The following CDH9 variants were observed in gnomAD, a reference collection of about 807,000 sequenced individuals.
CDH9 encodes cadherin 9.
In CDH9, 28 loss-of-function variants were observed where a neutral mutation model predicts 70.9. The observed-to-expected ratio is 0.40, with a 90% CI of 0.29 to 0.54. The LOEUF (loss-of-function observed/expected upper bound fraction) is 0.54, where lower values mean the gene tolerates loss of function less well. Ranked by LOEUF, CDH9 falls within the 20% of genes least tolerant of loss-of-function variation. CDH9 has a pLI of 0.59. For synonymous variants in CDH9, 409 were observed against 343.1 expected (o/e 1.19, Z -2.12); for missense variants, 874 against 984.4 (o/e 0.89, Z 1.50).
At chr5:26,883,085 ATATATAT>A (rs1740498905) in intron 11 of CDH9, among the ~76,000 whole-genome samples, 2 of 133,236 alleles carry the variant, frequency 1.5e-5, no homozygotes, top group African/African-American at 2.8e-5. Context: ...ATATATATAT[ATATATAT>A]ATAAAACTGC....
intron 2 of CDH9, among the ~76,000 whole-genome samples, chr5:26,986,321 C>T (rs934430516): frequency 6.6e-6 from 1 of 151,718 alleles, no homozygotes; most frequent in Non-Finnish European, 1.5e-5. Context: ...ATCCAAAATG[C>T]CATTTTTCCA....
At chr5:26,936,262 T>C (rs1741557087) in intron 2 of CDH9, among the ~76,000 whole-genome samples, 1 of 152,146 alleles carries the variant, frequency 6.6e-6, no homozygotes, top group Admixed American at 6.6e-5. Flanking sequence ...TTTTAAAATA[T>C]ACAAAATTCA....
At chr5:26,989,825 A>G (rs986272436) in intron 1 of CDH9, among the ~76,000 whole-genome samples, 1 of 152,114 alleles carries the variant, frequency 6.6e-6, no homozygotes, top group Admixed American at 6.6e-5. Context: ...ACTGTCTGTG[A>G]TATTTTCAAA....
intron 2 of CDH9, among the ~76,000 whole-genome samples, chr5:26,974,946 A>T (rs1157494297): frequency 6.6e-6 from 1 of 152,118 alleles, no homozygotes; most frequent in Non-Finnish European, 1.5e-5. Context: ...TATCCATCCT[A>T]TCACTAACAG....
At chr5:26,968,073 G>A (rs1388809835) in intron 2 of CDH9, among the ~76,000 whole-genome samples, 1 of 151,890 alleles carries the variant, frequency 6.6e-6, no homozygotes, top group Admixed American at 6.6e-5. Flanking sequence ...AGAACCTATT[G>A]TATTTCAGTA....
chr5:26,936,500 A>G lies in CDH9; in HGVS notation c.229-20576T>C, dbSNP rs184315254. Among the ~76,000 whole-genome samples the G allele has an allele frequency of 7.9e-5, 12 of 152,276 alleles. No individual in the cohort carries two copies. In the East Asian group the frequency reaches 2.3e-3, roughly 29 times the overall value. On this transcript the variant is annotated intron_variant, in intron 2 of 11. Coordinates refer to ENST00000231021, the MANE Select transcript of CDH9 (RefSeq NM_016279.4). Reference sequence around the variant, plus strand: ...TTAAAGAGTCTTTCCAACTTGATCTATGGATTCAATGCAATTCCACTCAAA... The same window carrying G: ...TTAAAGAGTCTTTCCAACTTGATCTGTGGATTCAATGCAATTCCACTCAAA...
At chr5:26,954,946 G>A (rs1419911278) in intron 2 of CDH9, among the ~76,000 whole-genome samples, 2 of 152,054 alleles carry the variant, frequency 1.3e-5, no homozygotes, top group Non-Finnish European at 2.9e-5. Flanking sequence ...GAGGTGGGAG[G>A]ACTGCTTCAG....
intron 2 of CDH9, among the ~76,000 whole-genome samples, chr5:26,936,218 ACCG>A (rs1478487451): frequency 6.6e-6 from 1 of 151,972 alleles, no homozygotes; most frequent in Non-Finnish European, 1.5e-5. Context: ...TGTAGCCAAA[ACCG>A]CCTGTATCCG....
At chr5:26,979,692 G>T (rs187247047) in intron 2 of CDH9, among the ~76,000 whole-genome samples, 11 of 151,846 alleles carry the variant, frequency 7.2e-5, no homozygotes, top group African/African-American at 2.7e-4. Context: ...GAGAGCAAGA[G>T]AATGATAAAA....
At chr5:26,927,078 G>A (rs969576502) in intron 2 of CDH9, among the ~76,000 whole-genome samples, 1 of 151,918 alleles carries the variant, frequency 6.6e-6, no homozygotes, top group Admixed American at 6.6e-5. Flanking sequence ...GTTTATTCCT[G>A]GGATGCAAGG....
Position 26,886,952 on chromosome 5 carries a change from TAGAC to T in CDH9, c.1513-873_1513-870del, listed in dbSNP as rs1459652567. On this transcript the variant is annotated intron_variant, in intron 9 of 11. Coordinates refer to ENST00000231021, the MANE Select transcript of CDH9 (RefSeq NM_016279.4). ...CTTTTAACGTTCTCTTCTACAAAAA[TAGAC>T]AGGTCTCATAGTCTAACATTGTGTG... 1.3e-5 allele frequency among the ~76,000 whole-genome samples: 2 copies of T among 152,192 alleles called. 1 individual carries two copies. Among genetic ancestry groups the T allele is most frequent in the Non-Finnish European group, 2.9e-5 (2 of 68,032 alleles).
At chr5:26,990,448 A>G (rs1208126899) in intron 1 of CDH9, among the ~76,000 whole-genome samples, 1 of 152,134 alleles carries the variant, frequency 6.6e-6, no homozygotes, top group East Asian at 1.9e-4. Context: ...AAATTACACC[A>G]TTTTTCAATG....
intron 2 of CDH9, among the ~76,000 whole-genome samples, chr5:26,920,712 G>C (rs1385227782): frequency 6.6e-6 from 1 of 152,136 alleles, no homozygotes; most frequent in Non-Finnish European, 1.5e-5. Flanking sequence ...TGGTAATGCA[G>C]GTAATTCTCC....
Position 26,915,862 on chromosome 5 carries a change from A to G in CDH9, c.291T>C (p.Ala97=), listed in dbSNP as rs1381663200. Residue 97 remains alanine (A), a synonymous_variant, in exon 3 of 12, where the codon GCT becomes GCC. Transcript: ENST00000231021. ...TTTCATCTATAACAAATAGACTGCC[A>G]GCCCCATCTCCTGTTAGTATGTATT... ...NLKYILTGDG[A]GSLFVIDENT... The G allele has an allele frequency of 1.2e-6, 2 of 1,612,322 alleles. No individual in the cohort carries two copies. Among genetic ancestry groups the G allele is most frequent in the East Asian group, 2.2e-5 (1 of 44,864 alleles).
At chr5:26,923,979 T>C (rs1741292377) in intron 2 of CDH9, among the ~76,000 whole-genome samples, 1 of 151,560 alleles carries the variant, frequency 6.6e-6, no homozygotes, top group Non-Finnish European at 1.5e-5. Context: ...TAATAATACA[T>C]CATAAGACAC....
intron 2 of CDH9, among the ~76,000 whole-genome samples, chr5:26,942,753 G>C (rs1354128344): frequency 6.6e-6 from 1 of 152,084 alleles, no homozygotes; most frequent in Non-Finnish European, 1.5e-5. Context: ...GGTTTAACCA[G>C]TTACATAGAC....
intron 1 of CDH9, among the ~76,000 whole-genome samples, chr5:27,015,158 T>C (rs927354832): frequency 6.6e-6 from 1 of 151,824 alleles, no homozygotes; most frequent in Non-Finnish European, 1.5e-5. Flanking sequence ...TACTGCACAA[T>C]TGAAGAAATT....
intron 2 of CDH9, among the ~76,000 whole-genome samples, chr5:26,919,571 T>C (rs1471846753): frequency 6.6e-6 from 1 of 152,140 alleles, no homozygotes; most frequent in Admixed American, 6.5e-5. Flanking sequence ...GGATGTGACC[T>C]AGTGAGACAC....
chr5:26,890,797 C>A (rs1740647013), intron 7 of CDH9: 1 of 399,050 alleles, frequency 2.5e-6, no homozygotes, highest in Non-Finnish European at 4.5e-6. Context: ...TATTTATACA[C>A]ATGAATCTGG....
Sources: allele counts gnomAD v4.1 joint callset (sites outside exome capture counted in the v4.1 genomes callset), GRCh38; gene constraint gnomAD v4.1.1; transcripts MANE v1.5; gene names NCBI Gene and HGNC (gene_info 2026-07-23, HGNC 2026-07-21).